The following GFRA1 variants were observed in gnomAD, a reference collection of about 807,000 sequenced individuals.
The protein encoded by GFRA1 is GDNF family receptor alpha-1.
Under a neutral mutation model 51.6 loss-of-function variants are expected in GFRA1, and 16 were observed. That is an observed-to-expected ratio of 0.31 (90% CI 0.21 to 0.47). The LOEUF (loss-of-function observed/expected upper bound fraction) is 0.47, where lower values mean the gene tolerates loss of function less well. Among genes scored for constraint, GFRA1 ranks in the 20% least tolerant of loss-of-function variants. The pLI is 1.00. For synonymous variants in GFRA1, 270 were observed against 241.3 expected (o/e 1.12, Z -1.10); for missense variants, 530 against 594.3 (o/e 0.89, Z 1.13).
Position 116,262,584 on chromosome 10 carries a change from T to C in GFRA1, c.418+6919A>G, listed in dbSNP as rs139030048. On this transcript the variant is annotated intron_variant, in intron 4 of 10. Transcript: ENST00000355422. ...AGGAAAAATTGGAAAAGGCTCCTATTAGCATGTTTACAGCAGTTATTTTGG... is the reference window on the plus strand; with the variant it reads ...AGGAAAAATTGGAAAAGGCTCCTATCAGCATGTTTACAGCAGTTATTTTGG... Among the ~76,000 whole-genome samples, 8 of 152,330 alleles carry C rather than the reference T, an allele frequency of 5.3e-5. No individual in the cohort carries two copies. The East Asian group carries it at 1.5e-3, about 29-fold the overall frequency.
At chr10:116,240,834 C>T (rs1237108085) in intron 4 of GFRA1, among the ~76,000 whole-genome samples, 2 of 152,134 alleles carry the variant, frequency 1.3e-5, no homozygotes, top group Non-Finnish European at 2.9e-5. Flanking sequence ...GCAGCTAACA[C>T]ACAGGGTGCA....
At chr10:116,108,681 G>A (rs1467634693) in intron 6 of GFRA1, among the ~76,000 whole-genome samples, 1 of 152,102 alleles carries the variant, frequency 6.6e-6, no homozygotes, top group Non-Finnish European at 1.5e-5. Context: ...TGATCTCAAA[G>A]CTCTCCCAGA....
intron 3 of GFRA1, 21 bp downstream of exon 3, chr10:116,270,801 G>T: frequency 6.2e-7 from 1 of 1,601,714 alleles, no homozygotes. Context: ...ACGGGGTGGG[G>T]TGGGGAGGTT....
At chr10:116,098,437 G>A (rs572572260) in intron 6 of GFRA1, among the ~76,000 whole-genome samples, 5 of 152,156 alleles carry the variant, frequency 3.3e-5, no homozygotes, top group African/African-American at 4.8e-5. Context: ...AAGATGGCTC[G>A]GGCTTACTCA....
intron 5 of GFRA1, among the ~76,000 whole-genome samples, chr10:116,197,426 A>G (rs1963974624): frequency 6.6e-6 from 1 of 152,312 alleles, no homozygotes; most frequent in East Asian, 1.9e-4. Context: ...GTTGTTTATA[A>G]GCTACCCAAT....
At chr10:116,105,474 C>T (rs1956971632) in intron 6 of GFRA1, among the ~76,000 whole-genome samples, 2 of 152,164 alleles carry the variant, frequency 1.3e-5, no homozygotes, top group African/African-American at 4.8e-5. Context: ...CTAAGAGGCT[C>T]CATGTCAACT....
chr10:116,269,117 G>C (rs1242818807), intron 4 of GFRA1, among the ~76,000 whole-genome samples: 1 of 152,084 alleles, frequency 6.6e-6, no homozygotes, highest in Non-Finnish European at 1.5e-5. Flanking sequence ...GGCATAATCT[G>C]AACAGATCCC....
intron 4 of GFRA1, among the ~76,000 whole-genome samples, chr10:116,246,623 G>A (rs956601256): frequency 6.6e-6 from 1 of 152,118 alleles, no homozygotes; most frequent in South Asian, 2.1e-4. Flanking sequence ...AAAGATATGC[G>A]TCAGCAAAAA....
At chr10:116,070,704 C>T (rs935988965) in intron 9 of GFRA1, among the ~76,000 whole-genome samples, 1 of 150,864 alleles carries the variant, frequency 6.6e-6, no homozygotes, top group Non-Finnish European at 1.5e-5. Flanking sequence ...AAAAAAGAAG[C>T]TCCTTGTTAG....
Position 116,062,453 on chromosome 10 carries a change from C to G in GFRA1, c.*1945G>C. Reference sequence around the variant, plus strand: ...AAGTGAAAAAAGTCAGTACTGAGTACTGTACATTTGTGTTGATTAACATTT... The same window carrying G: ...AAGTGAAAAAAGTCAGTACTGAGTAGTGTACATTTGTGTTGATTAACATTT... On this transcript the variant is annotated 3_prime_UTR_variant, in exon 11 of 11. Coordinates refer to ENST00000355422, the MANE Select transcript of GFRA1 (RefSeq NM_005264.8). 4.2e-6 allele frequency: 1 copy of G among 237,792 alleles called. No individual in the cohort carries two copies. Among genetic ancestry groups the G allele is most frequent in the Non-Finnish European group, 8.0e-6 (1 of 124,928 alleles). 14.7% of individuals were successfully genotyped at this position (237,792 alleles called of 1,614,324 possible).
chr10:116,241,434 G>A (rs1468838770), intron 4 of GFRA1, among the ~76,000 whole-genome samples: 6 of 152,286 alleles, frequency 3.9e-5, no homozygotes, highest in Non-Finnish European at 7.3e-5. Flanking sequence ...ATAAAAATGC[G>A]TGGTCTCAGA....
rs1046757348 is a variant in GFRA1 at position 116,059,509 on chromosome 10, C to T, written c.*4889G>A. Reference sequence around the variant, plus strand: ...CCTGCCAGAGGCAGACAGCCGAAGTCGCAGCTGCGCTGGTCAAATGAGCTT... The same window carrying T: ...CCTGCCAGAGGCAGACAGCCGAAGTTGCAGCTGCGCTGGTCAAATGAGCTT... On this transcript the variant is annotated 3_prime_UTR_variant, in exon 11 of 11. Coordinates refer to ENST00000355422, the MANE Select transcript of GFRA1 (RefSeq NM_005264.8). 6.6e-6 allele frequency: 1 copy of T among 152,252 alleles called. No homozygotes were observed. The highest frequency in any genetic ancestry group is 1.5e-5 in the Non-Finnish European group (1 of 68,076). The allele number at this position is 152,252 out of a possible 1,614,324, so 9.4% of individuals were successfully genotyped here.
intron 5 of GFRA1, among the ~76,000 whole-genome samples, chr10:116,190,217 A>G (rs1039246480): frequency 6.6e-6 from 1 of 152,178 alleles, no homozygotes; most frequent in East Asian, 1.9e-4. Context: ...CTGCACTCAT[A>G]AAGCCAAACC....
At chr10:116,239,066 C>T (rs1323114566) in intron 4 of GFRA1, among the ~76,000 whole-genome samples, 4 of 152,144 alleles carry the variant, frequency 2.6e-5, no homozygotes, top group African/African-American at 7.2e-5. Flanking sequence ...CCAAGGTGAC[C>T]AGAGACAGAG....
chr10:116,239,724 T>C (rs1462047277), intron 4 of GFRA1, among the ~76,000 whole-genome samples: 1 of 152,232 alleles, frequency 6.6e-6, no homozygotes, highest in Non-Finnish European at 1.5e-5. Context: ...GATAGACACG[T>C]ATCATCTTCA....
chr10:116,067,735 T>C (rs2133777916), intron 9 of GFRA1, among the ~76,000 whole-genome samples: 1 of 152,266 alleles, frequency 6.6e-6, no homozygotes, highest in Middle Eastern at 3.4e-3. Flanking sequence ...CCTGCATAGG[T>C]AGATTTCTGA....
At chr10:116,245,000 G>C (rs1967751654) in intron 4 of GFRA1, among the ~76,000 whole-genome samples, 1 of 152,176 alleles carries the variant, frequency 6.6e-6, no homozygotes, top group Non-Finnish European at 1.5e-5. Context: ...ACAATAGTTA[G>C]ACATTCTAGA....
At chr10:116,199,005 G>T (rs562324213) in intron 5 of GFRA1, among the ~76,000 whole-genome samples, 2 of 152,162 alleles carry the variant, frequency 1.3e-5, no homozygotes, top group Non-Finnish European at 2.9e-5. Flanking sequence ...GCAGAGATGG[G>T]AGTGATGCAG....
rs186853153 is a variant in GFRA1 at position 116,128,454 on chromosome 10, G to A, written c.434-2897C>T. Among the ~76,000 whole-genome samples, 710 of 152,074 alleles carry A rather than the reference G, an allele frequency of 4.7e-3. 7 individuals carry two copies. The highest frequency in any genetic ancestry group is 0.016 in the African/African-American group (672 of 41,490). ...AAAATTGGCCTAGTGTGCCAGGTGC[G>A]GCGGCTCATGCCTGTAATCCCAGCA... On this transcript the variant is annotated intron_variant, in intron 5 of 10. Transcript: ENST00000355422.
Sources: gnomAD v4.1 joint callset for allele counts (sites outside exome capture counted in the v4.1 genomes callset) on GRCh38, gnomAD v4.1.1 for gene constraint, MANE v1.5 for transcripts, NCBI Gene and HGNC (gene_info 2026-07-23, HGNC 2026-07-21) for gene names.